The following CHMP5 variants were observed in gnomAD, a reference collection of about 807,000 sequenced individuals.
The protein encoded by CHMP5 is SNF7 domain containing 2.
A neutral mutation model predicts 33.0 loss-of-function variants in CHMP5; 17 were observed. The observed-to-expected ratio is 0.52, with a 90% confidence interval of 0.35 to 0.77. The LOEUF (loss-of-function observed/expected upper bound fraction) is 0.77. Among genes scored for constraint, CHMP5 ranks in the 30% least tolerant of loss-of-function variants. The pLI is 0.01. For synonymous variants in CHMP5, 76 were observed against 90.2 expected, an observed-to-expected ratio of 0.84 and a Z score of 0.89; for missense variants, 216 against 261.5, an observed-to-expected ratio of 0.83 and a Z score of 1.20.
Position 33,281,029 on chromosome 9 carries a change from A to G in CHMP5, c.*170A>G. Reference sequence around the variant, plus strand: ...CCATTAAGAGACTCATTGCTTGGGAAATGCTTTCTTCGTACTAAAATTTGA... The same window carrying G: ...CCATTAAGAGACTCATTGCTTGGGAGATGCTTTCTTCGTACTAAAATTTGA... On this transcript the variant is annotated 3_prime_UTR_variant, in exon 8 of 8. Coordinates refer to ENST00000223500, the MANE Select transcript of CHMP5 (RefSeq NM_016410.6). 2 of 465,604 alleles carry G rather than the reference A, an allele frequency of 4.3e-6. No homozygotes were observed. Among genetic ancestry groups the G allele is most frequent in the Non-Finnish European group, 3.8e-6 (1 of 265,666 alleles). The allele number at this position is 465,604 out of a possible 1,614,324, so 28.8% of individuals were successfully genotyped here. A position where few individuals can be genotyped will look rare whatever the true frequency, so the allele number is the denominator to read the frequency against.
intron 5 of CHMP5, among the ~76,000 whole-genome samples, chr9:33,274,697 C>CA (rs1350961577): frequency 6.6e-6 from 1 of 152,182 alleles, no homozygotes; most frequent in Non-Finnish European, 1.5e-5. Flanking sequence ...CTCACTGCAA[C>CA]CTCTGCCTCC....
chr9:33,276,177 T>C (rs955057417), intron 5 of CHMP5, among the ~76,000 whole-genome samples: 2 of 152,196 alleles, frequency 1.3e-5, no homozygotes, highest in African/African-American at 2.4e-5. Context: ...TTAAGCATTC[T>C]CTCATACTTT....
At chr9:33,271,409 A>G (rs1385070877) in intron 5 of CHMP5, among the ~76,000 whole-genome samples, 186 bp downstream of exon 5, 4 of 152,230 alleles carry the variant, frequency 2.6e-5, no homozygotes, top group African/African-American at 4.8e-5. Flanking sequence ...CTAATACCAC[A>G]TACAGTTACA....
intron 2 of CHMP5, 91 bp downstream of exon 2, chr9:33,266,205 G>A (rs1820720743): frequency 2.7e-6 from 2 of 740,972 alleles, no homozygotes; most frequent in Non-Finnish European, 4.6e-6. Context: ...GGGCGCAGTG[G>A]CTCATGCATG....
At chr9:33,279,774 A>G (rs1490158705) in intron 7 of CHMP5, among the ~76,000 whole-genome samples, 1 of 151,238 alleles carries the variant, frequency 6.6e-6, no homozygotes, top group Non-Finnish European at 1.5e-5. Flanking sequence ...GAGGCAGGAG[A>G]ATCACTTGAA....
Position 33,275,597 on chromosome 9 carries a change from T to G in CHMP5, c.388-859T>G, listed in dbSNP as rs75665138. 1.8e-3 allele frequency among the ~76,000 whole-genome samples: 271 copies of G among 152,358 alleles called. 2 individuals are homozygous for G. Among genetic ancestry groups the G allele is most frequent in the African/African-American group, 6.3e-3 (261 of 41,578 alleles). ...CTGTCTTCATTAACTAGAAAATGAT[T>G]GACAGTTTAGATCAAGATAATTGCT... is the stretch of plus-strand genomic sequence containing the variant. On this transcript the variant is annotated intron_variant, in intron 5 of 7. Coordinates refer to ENST00000223500, the MANE Select transcript of CHMP5 (RefSeq NM_016410.6).
At chr9:33,271,440 G>A (rs902532097) in intron 5 of CHMP5, among the ~76,000 whole-genome samples, 8 of 152,146 alleles carry the variant, frequency 5.3e-5, no homozygotes, top group African/African-American at 1.2e-4. Flanking sequence ...GATTTAAGAC[G>A]GTTCAACTTA....
At chr9:33,279,802 G>T (rs1028964327) in intron 7 of CHMP5, among the ~76,000 whole-genome samples, 1 of 148,150 alleles carries the variant, frequency 6.7e-6, no homozygotes, top group African/African-American at 2.5e-5. Flanking sequence ...GGCGGAGCTT[G>T]CAGTGAGCCG....
At chr9:33,272,608 T>A (rs1820807855) in intron 5 of CHMP5, among the ~76,000 whole-genome samples, 1 of 151,970 alleles carries the variant, frequency 6.6e-6, no homozygotes, top group Non-Finnish European at 1.5e-5. Flanking sequence ...ATCAAGACCA[T>A]CCTGGCTAAC....
intron 6 of CHMP5, 70 bp downstream of exon 6, chr9:33,276,634 C>G: frequency 1.2e-6 from 1 of 806,050 alleles, no homozygotes; most frequent in Non-Finnish European, 2.1e-6. Flanking sequence ...GGGACCTTTT[C>G]TCAAATGCTA....
intron 6 of CHMP5, 105 bp from the exon 7 acceptor site, chr9:33,278,007 GC>G: frequency 2.9e-6 from 2 of 685,012 alleles, no homozygotes. Context: ...ACAATCTCAT[GC>G]CCTCTTCACT....
Position 33,267,908 on chromosome 9 carries a change from CA to C in CHMP5, c.221+10del. ...TTAAAGCAAAAGAGGATGTAAGTTA[CA>C]CACACAATTTCTACCTCTAGCAGGT... On this transcript the variant is annotated intron_variant, in intron 3 of 7. Transcript: ENST00000223500. 6.3e-7 allele frequency: 1 copy of C among 1,595,450 alleles called. No individual in the cohort carries two copies. The highest frequency in any genetic ancestry group is 8.6e-7 in the Non-Finnish European group (1 of 1,163,288).
chr9:33,279,392 T>C lies in CHMP5; in HGVS notation c.609+1167T>C, dbSNP rs1257796225. Among the ~76,000 whole-genome samples, 11 of 152,174 alleles carry C rather than the reference T, an allele frequency of 7.2e-5. 1 individual carries two copies. ...TCTGTGAGTATGCATCTTCCTCTATTGTATCCTTCCCTTCTCTGTTGAGCC... is the reference window on the plus strand; with the variant it reads ...TCTGTGAGTATGCATCTTCCTCTATCGTATCCTTCCCTTCTCTGTTGAGCC... On this transcript the variant is annotated intron_variant, in intron 7 of 7. Transcript: ENST00000223500.
intron 3 of CHMP5, among the ~76,000 whole-genome samples, chr9:33,269,799 A>C (rs921165086): frequency 8.6e-5 from 13 of 151,906 alleles, no homozygotes; most frequent in Admixed American, 8.5e-4. Context: ...ACATGGAAGA[A>C]CCCGTCTCTA....
chr9:33,268,783 A>G (rs1401264594), intron 3 of CHMP5, among the ~76,000 whole-genome samples: 3 of 152,244 alleles, frequency 2.0e-5, no homozygotes, highest in Non-Finnish European at 4.4e-5. Flanking sequence ...AATAAAATTT[A>G]CCTAGATTCT....
At chr9:33,268,082 A>C (rs2118015589) in intron 3 of CHMP5, among the ~76,000 whole-genome samples, 183 bp downstream of exon 3, 1 of 152,370 alleles carries the variant, frequency 6.6e-6, no homozygotes, top group African/African-American at 2.4e-5. Context: ...ATCTAAATAG[A>C]ACTTTTTGCC....
rs765727412 is a variant in CHMP5, at chr9:33,266,015, C to A, written c.75C>A (p.Asp25Glu). 38 of 1,608,368 alleles carry A rather than the reference C, an allele frequency of 2.4e-5. No individual in the cohort carries two copies. The Middle Eastern group carries it at 9.9e-4, about 42-fold the overall frequency. ...ATTTGATATTTTCCCCTAAGGTGGACAGTAGAGCAGAATCCATTGACAAGA... is the reference window on the plus strand; with the variant it reads ...ATTTGATATTTTCCCCTAAGGTGGAAAGTAGAGCAGAATCCATTGACAAGA... ...PSLTDCIGTV[D>E]SRAESIDKKI... The change falls in exon 2 of 8, where the codon GAC (aspartate) becomes GAA (glutamate). Residue 25 changes from aspartate (D) to glutamate (E), a missense_variant. Transcript: ENST00000223500.
At chr9:33,270,765 C>T (rs1244727516) in intron 4 of CHMP5, 49 bp downstream of exon 4, 8 of 1,434,978 alleles carry the variant, frequency 5.6e-6, no homozygotes, top group Non-Finnish European at 4.9e-6. Flanking sequence ...TATTCTTATT[C>T]TCTTTTCCGA....
At chr9:33,265,628 G>A (rs1285685184) in intron 1 of CHMP5, among the ~76,000 whole-genome samples, 2 of 152,192 alleles carry the variant, frequency 1.3e-5, no homozygotes, top group African/African-American at 4.8e-5. Context: ...CCCCGATTTA[G>A]GGAATGGCAT....
Sources: gnomAD v4.1 joint callset for allele counts (sites outside exome capture counted in the v4.1 genomes callset) on GRCh38, gnomAD v4.1.1 for gene constraint, MANE v1.5 for transcripts, NCBI Gene and HGNC (gene_info 2026-07-23, HGNC 2026-07-21) for gene names.